Variants in PITPNC1 observed in about 807,000 individuals in gnomAD.
PITPNC1 encodes phosphatidylinositol transfer protein cytoplasmic 1.
Under a neutral mutation model 44.7 loss-of-function variants are expected in PITPNC1, and 18 were observed. The ratio of observed to expected loss-of-function variants is 0.40; its 90% CI spans 0.28 to 0.60. The LOEUF is 0.60. PITPNC1 is among the 20% of genes least tolerant of loss of function. The pLI is 0.39. For missense variants in PITPNC1, 290 were observed against 418.4 expected (o/e 0.69, Z 2.68); for synonymous variants, 141 against 149.6 (o/e 0.94, Z 0.42).
chr17:67,494,458 A>G (rs1197979245), intron 1 of PITPNC1, among the ~76,000 whole-genome samples: 1 of 151,302 alleles, frequency 6.6e-6, no homozygotes, highest in Non-Finnish European at 1.5e-5. Context: ...TCGGCCTCCC[A>G]AAGTGCTGGG....
At chr17:67,506,757 A>C (rs1355733870) in intron 1 of PITPNC1, among the ~76,000 whole-genome samples, 1 of 152,182 alleles carries the variant, frequency 6.6e-6, no homozygotes, top group Non-Finnish European at 1.5e-5. Flanking sequence ...GCAACCATTG[A>C]TAATTTTTGA....
intron 5 of PITPNC1, among the ~76,000 whole-genome samples, chr17:67,610,114 T>TG (rs2041667771): frequency 6.6e-6 from 1 of 152,146 alleles, no homozygotes; most frequent in Non-Finnish European, 1.5e-5. Flanking sequence ...TCAAACATAA[T>TG]ATGCCCAAAA....
At chr17:67,506,649 T>C (rs59681613) in intron 1 of PITPNC1, among the ~76,000 whole-genome samples, 4,599 of 152,286 alleles carry the variant, frequency 0.03, 136 homozygotes, top group African/African-American at 0.077. Flanking sequence ...CAGTACTTAC[T>C]ATACGCGATG....
intron 8 of PITPNC1, among the ~76,000 whole-genome samples, chr17:67,686,123 GC>G (rs2042810961): frequency 6.6e-6 from 1 of 151,648 alleles, no homozygotes; most frequent in African/African-American, 2.4e-5. Flanking sequence ...GAGCCACCAT[GC>G]CTGGCCTGAA....
At chr17:67,554,324 T>G (rs752551628) in intron 4 of PITPNC1, among the ~76,000 whole-genome samples, 17 of 148,808 alleles carry the variant, frequency 1.1e-4, no homozygotes, top group African/African-American at 4.3e-4. Flanking sequence ...TGGCACAATC[T>G]TGGCTCAACA....
chr17:67,509,697 A>G (rs1435529444), intron 1 of PITPNC1, among the ~76,000 whole-genome samples: 41 of 152,142 alleles, frequency 2.7e-4, no homozygotes, highest in South Asian at 2.1e-4. Flanking sequence ...AGTGTGACAT[A>G]TATCACATCC....
intron 1 of PITPNC1, among the ~76,000 whole-genome samples, chr17:67,415,086 A>G (rs1041038858): frequency 1.3e-5 from 2 of 151,990 alleles, no homozygotes; most frequent in African/African-American, 4.8e-5. Context: ...CATCATGTTC[A>G]CCAGGCTGGT....
chr17:67,510,817 C>A (rs1319723886), intron 1 of PITPNC1, among the ~76,000 whole-genome samples: 1 of 152,084 alleles, frequency 6.6e-6, no homozygotes, highest in East Asian at 1.9e-4. Context: ...TGGATAAAGA[C>A]TCCCGGGTCC....
chr17:67,565,258 G>A (rs568051605), intron 4 of PITPNC1, among the ~76,000 whole-genome samples: 2 of 151,668 alleles, frequency 1.3e-5, no homozygotes, highest in African/African-American at 4.8e-5. Flanking sequence ...GGTTTTCGGT[G>A]TGTATACTCA....
At chr17:67,684,076 T>A (rs17656844) in intron 8 of PITPNC1, among the ~76,000 whole-genome samples, 6,419 of 150,818 alleles carry the variant, frequency 0.043, 210 homozygotes, top group Middle Eastern at 0.11. Context: ...CAATTCCAAA[T>A]TGACGGTATC....
intron 4 of PITPNC1, among the ~76,000 whole-genome samples, chr17:67,569,924 G>A (rs749932877): frequency 4.6e-5 from 7 of 152,200 alleles, no homozygotes; most frequent in Non-Finnish European, 8.8e-5. Flanking sequence ...GATTTTTCAT[G>A]AGAAAGAGGA....
intron 1 of PITPNC1, among the ~76,000 whole-genome samples, chr17:67,511,288 A>C (rs2040181469): frequency 1.3e-5 from 2 of 152,226 alleles, no homozygotes; most frequent in Non-Finnish European, 2.9e-5. Flanking sequence ...GTTATTGCAT[A>C]TAATGTAGAC....
chr17:67,448,093 A>T lies in PITPNC1; in HGVS notation c.48+69891A>T, dbSNP rs895006254. On this transcript the variant is annotated intron_variant, in intron 1 of 8. Coordinates refer to ENST00000581322, the MANE Select transcript of PITPNC1 (RefSeq NM_012417.4). ...CCGGAGTAGCTGGGATTAAAGGCGCACACCACCACACCAGGCTAATGTTGG... is the reference window on the plus strand; with the variant it reads ...CCGGAGTAGCTGGGATTAAAGGCGCTCACCACCACACCAGGCTAATGTTGG... Among the ~76,000 whole-genome samples, 30 of 152,048 alleles carry T rather than the reference A, an allele frequency of 2.0e-4. 1 individual carries two copies. The highest frequency in any genetic ancestry group is 7.2e-4 in the African/African-American group (30 of 41,464).
intron 1 of PITPNC1, among the ~76,000 whole-genome samples, chr17:67,420,192 A>C (rs566503111): frequency 5.9e-5 from 9 of 152,300 alleles, no homozygotes; most frequent in Admixed American, 5.2e-4. Flanking sequence ...CAAGTTTTGT[A>C]TTAATTATGA....
At chr17:67,437,718 A>G (rs1369410571) in intron 1 of PITPNC1, among the ~76,000 whole-genome samples, 1 of 152,156 alleles carries the variant, frequency 6.6e-6, no homozygotes, top group Non-Finnish European at 1.5e-5. Context: ...AGGAACTCAA[A>G]GGAGCTCTAA....
chr17:67,451,887 C>T (rs55822320), intron 1 of PITPNC1, among the ~76,000 whole-genome samples: 3,202 of 151,960 alleles, frequency 0.021, 118 homozygotes, highest in African/African-American at 0.065. Flanking sequence ...CCGCACACCT[C>T]GGCCTCCCAA....
At chr17:67,657,218 T>TTCATTCAAAAGCA (rs1363117775) in intron 6 of PITPNC1, among the ~76,000 whole-genome samples, 5 of 149,456 alleles carry the variant, frequency 3.3e-5, no homozygotes, top group African/African-American at 1.2e-4. Context: ...TTCAAAAGCA[T>TTCATTCAAAAGCA]TTACCTGGAT....
At chr17:67,525,959 G>A (rs775856817) in intron 1 of PITPNC1, among the ~76,000 whole-genome samples, 9 of 152,196 alleles carry the variant, frequency 5.9e-5, no homozygotes, top group Non-Finnish European at 8.8e-5. Context: ...GTGATATGGC[G>A]TCCGCCCATT....
chr17:67,586,818 T>C (rs2041324442), intron 5 of PITPNC1, among the ~76,000 whole-genome samples: 1 of 152,200 alleles, frequency 6.6e-6, no homozygotes, highest in African/African-American at 2.4e-5. Flanking sequence ...ATGTTTGCTC[T>C]GGCTGTTCTG....
Sources: gnomAD v4.1 joint callset for allele counts (sites outside exome capture counted in the v4.1 genomes callset) on GRCh38, gnomAD v4.1.1 for gene constraint, MANE v1.5 for transcripts, NCBI Gene and HGNC (gene_info 2026-07-23, HGNC 2026-07-21) for gene names.